Variants in NYAP2 observed in about 807,000 individuals in gnomAD.
The protein encoded by NYAP2 is neuronal tyrosine-phosphorylated phosphoinositide-3-kinase adapter 2.
Under a neutral mutation model 50.4 loss-of-function variants are expected in NYAP2, and 23 were observed. The ratio of observed to expected loss-of-function variants is 0.46; its 90% CI spans 0.33 to 0.65. NYAP2 has a LOEUF of 0.65. NYAP2 is among the 30% of genes least tolerant of loss of function. The probability of loss-of-function intolerance (pLI) is 0.02; values close to 1 mark genes in which losing one functional copy is unlikely to be tolerated. For missense variants in NYAP2, 885 were observed against 861.0 expected (o/e 1.03, Z -0.35); for synonymous variants, 394 against 365.2 (o/e 1.08, Z -0.90).
chr2:225,420,956 T>C (rs1695206556), intron 3 of NYAP2, among the ~76,000 whole-genome samples: 2 of 152,118 alleles, frequency 1.3e-5, no homozygotes, highest in South Asian at 4.2e-4. Context: ...AGAATCTCCC[T>C]CTGTTGCCCA....
chr2:225,569,268 T>G (rs1236792221), intron 4 of NYAP2, among the ~76,000 whole-genome samples: 1 of 152,208 alleles, frequency 6.6e-6, no homozygotes, highest in Non-Finnish European at 1.5e-5. Flanking sequence ...TTGACAGACT[T>G]CAGTCTTTCT....
chr2:225,670,923 T>C, the NYAP2 span, among the ~76,000 whole-genome samples: 1 of 152,096 alleles, frequency 6.6e-6, no homozygotes, highest in South Asian at 2.1e-4. Flanking sequence ...CTAAACAATG[T>C]ACATACCTTA....
intron 6 of NYAP2, among the ~76,000 whole-genome samples, chr2:225,629,251 A>T (rs1693268472): frequency 6.6e-6 from 1 of 152,258 alleles, no homozygotes; most frequent in South Asian, 2.1e-4. Context: ...CTCAAGAAGA[A>T]AGAGTAAATT....
intron 6 of NYAP2, among the ~76,000 whole-genome samples, chr2:225,645,455 C>G (rs1325193484): frequency 1.3e-5 from 2 of 151,666 alleles, no homozygotes; most frequent in Admixed American, 6.6e-5. Context: ...TTCTTTCTTC[C>G]TTTTCCTTCC....
At chr2:225,406,275 C>T (rs1574597639) in intron 2 of NYAP2, among the ~76,000 whole-genome samples, 1 of 151,886 alleles carries the variant, frequency 6.6e-6, no homozygotes, top group African/African-American at 2.4e-5. Flanking sequence ...AACTATTATA[C>T]TTTTTACATG....
chr2:225,681,203 A>G, the NYAP2 span, among the ~76,000 whole-genome samples: 30 of 152,202 alleles, frequency 2.0e-4, no homozygotes, highest in Admixed American at 1.3e-4. Flanking sequence ...CATTCCTGAG[A>G]AACTCTGTTC....
At chr2:225,685,157 G>A in the NYAP2 span, among the ~76,000 whole-genome samples, 1 of 152,128 alleles carries the variant, frequency 6.6e-6, no homozygotes, top group Non-Finnish European at 1.5e-5. Context: ...TATAATTTAA[G>A]TCTGTTCTTG....
chr2:225,554,018 A>T (rs1448643683), intron 4 of NYAP2, among the ~76,000 whole-genome samples: 1 of 152,212 alleles, frequency 6.6e-6, no homozygotes, highest in East Asian at 1.9e-4. Context: ...GAAAGAATTC[A>T]AAAAGAAAAG....
At chr2:225,585,440 G>A (rs1281788457) in intron 5 of NYAP2, among the ~76,000 whole-genome samples, 1 of 152,200 alleles carries the variant, frequency 6.6e-6, no homozygotes, top group Non-Finnish European at 1.5e-5. Flanking sequence ...GTTAGAATCA[G>A]TCTACGTGTA....
At chr2:225,481,736 C>T in intron 3 of NYAP2, among the ~76,000 whole-genome samples, 1 of 152,100 alleles carries the variant, frequency 6.6e-6, no homozygotes, top group Non-Finnish European at 1.5e-5. Flanking sequence ...AAGTTTGTGA[C>T]ATTCTGGGTC....
chr2:225,562,738 C>T (rs572209596), intron 4 of NYAP2, among the ~76,000 whole-genome samples: 2 of 152,236 alleles, frequency 1.3e-5, no homozygotes, highest in African/African-American at 4.8e-5. Flanking sequence ...CACCCCAAAC[C>T]TCGCTCCTGT....
chr2:225,675,102 G>C, the NYAP2 span, among the ~76,000 whole-genome samples: 1 of 151,902 alleles, frequency 6.6e-6, no homozygotes, highest in African/African-American at 2.4e-5. Context: ...ACAATTTATT[G>C]TTTATTAGTG....
chr2:225,461,547 C>T (rs1168671872), intron 3 of NYAP2, among the ~76,000 whole-genome samples: 1 of 152,208 alleles, frequency 6.6e-6, no homozygotes, highest in Non-Finnish European at 1.5e-5. Flanking sequence ...GGTAGACCTC[C>T]TTGTAACTTT....
intron 3 of NYAP2, among the ~76,000 whole-genome samples, chr2:225,416,807 G>T (rs1349836129): frequency 6.6e-6 from 1 of 152,102 alleles, no homozygotes; most frequent in Non-Finnish European, 1.5e-5. Flanking sequence ...GACAGATGTT[G>T]GCAAGAGGAG....
At chr2:225,508,619 G>T (rs979513259) in intron 3 of NYAP2, among the ~76,000 whole-genome samples, 3 of 152,158 alleles carry the variant, frequency 2.0e-5, no homozygotes, top group Non-Finnish European at 4.4e-5. Flanking sequence ...TAGAAGGAGA[G>T]GGGGAGGAAA....
the NYAP2 span, among the ~76,000 whole-genome samples, chr2:225,692,815 T>C: frequency 6.6e-6 from 1 of 151,924 alleles, no homozygotes; most frequent in Non-Finnish European, 1.5e-5. Flanking sequence ...GAATGAAAGA[T>C]ACAGTTAAAA....
upstream of NYAP2, chr2:225,399,616 C>T (rs1315753635): frequency 1.3e-5 from 2 of 151,934 alleles, 1 homozygote; most frequent in Non-Finnish European, 2.9e-5. Context: ...TAGTTTTGTT[C>T]TCATGCCATG....
chr2:225,545,075 G>C (rs1027775149), intron 4 of NYAP2, among the ~76,000 whole-genome samples: 2 of 152,010 alleles, frequency 1.3e-5, no homozygotes, highest in Admixed American at 6.6e-5. Context: ...GAGCTTCATC[G>C]TATGTTATCT....
chr2:225,406,511 A>G (rs1437925890), intron 2 of NYAP2, among the ~76,000 whole-genome samples: 1 of 151,896 alleles, frequency 6.6e-6, no homozygotes, highest in Non-Finnish European at 1.5e-5. Flanking sequence ...ATCTAGAGGG[A>G]CACAATTCTG....
Sources: gnomAD v4.1 joint callset for allele counts (sites outside exome capture counted in the v4.1 genomes callset) on GRCh38, gnomAD v4.1.1 for gene constraint, MANE v1.5 for transcripts, NCBI Gene and HGNC (gene_info 2026-07-23, HGNC 2026-07-21) for gene names.